The following KDM2B variants were observed in gnomAD, a reference collection of about 807,000 sequenced individuals.
KDM2B encodes the protein lysine demethylase 2B.
A neutral mutation model predicts 150.0 loss-of-function variants in KDM2B; 26 were observed. That is an observed-to-expected ratio of 0.17 (90% CI 0.13 to 0.24). The LOEUF (loss-of-function observed/expected upper bound fraction) is 0.24. Ranked by LOEUF, KDM2B falls within the 10% of genes least tolerant of loss-of-function variation. The pLI, the probability that KDM2B is intolerant of heterozygous loss-of-function variation, is 1.00. For missense variants in KDM2B, 1,265 were observed against 1,816.9 expected (o/e 0.70, Z 5.52); for synonymous variants, 734 against 729.5 (o/e 1.01, Z -0.10).
chr12:121,511,857 T>G (rs1247559335), intron 10 of KDM2B, among the ~76,000 whole-genome samples: 1 of 152,130 alleles, frequency 6.6e-6, no homozygotes, highest in Admixed American at 6.5e-5. Context: ...ACACAGCAGC[T>G]CTGGATGGAG....
chr12:121,425,577 C>T (rs1266724604), downstream of KDM2B, among the ~76,000 whole-genome samples: 6 of 133,044 alleles, frequency 4.5e-5, no homozygotes, highest in African/African-American at 1.5e-4. Flanking sequence ...GTGCTTTGGG[C>T]AGAAAGTTTG....
At chr12:121,535,601 A>G (rs1555308594) in intron 6 of KDM2B, among the ~76,000 whole-genome samples, 1 of 152,232 alleles carries the variant, frequency 6.6e-6, no homozygotes, top group African/African-American at 2.4e-5. Context: ...TAAAGAATTT[A>G]AGAGAAATTA....
At chr12:121,556,689 A>G (rs1555312789) in intron 4 of KDM2B, among the ~76,000 whole-genome samples, 1 of 152,026 alleles carries the variant, frequency 6.6e-6, no homozygotes, top group Non-Finnish European at 1.5e-5. Context: ...TGTCTCTACT[A>G]AAAATACAAA....
At chr12:121,412,187 G>A in the KDM2B span, among the ~76,000 whole-genome samples, 13,199 of 143,162 alleles carry the variant, frequency 0.092, 687 homozygotes, top group South Asian at 0.24. Flanking sequence ...TCAGCCTCCC[G>A]ACTAGCTGGG....
At chr12:121,500,085 G>T (rs1884386315) in intron 11 of KDM2B, among the ~76,000 whole-genome samples, 1 of 152,058 alleles carries the variant, frequency 6.6e-6, no homozygotes, top group Non-Finnish European at 1.5e-5. Flanking sequence ...GGCGCCCTGG[G>T]CTCTGTCCCT....
intron 6 of KDM2B, among the ~76,000 whole-genome samples, chr12:121,543,378 A>G (rs1346313897): frequency 1.3e-5 from 2 of 151,884 alleles, no homozygotes; most frequent in Non-Finnish European, 2.9e-5. Flanking sequence ...AGAAAAGAAA[A>G]ACACTGAGTC....
At chr12:121,410,011 C>T in the KDM2B span, among the ~76,000 whole-genome samples, 6 of 151,794 alleles carry the variant, frequency 4.0e-5, no homozygotes, top group Admixed American at 2.6e-4. Context: ...CAAAATTAGC[C>T]GGGCATGGTG....
intron 4 of KDM2B, among the ~76,000 whole-genome samples, chr12:121,552,887 G>A (rs781931643): frequency 6.6e-6 from 1 of 151,990 alleles, no homozygotes; most frequent in Non-Finnish European, 1.5e-5. Flanking sequence ...GGAATACGTG[G>A]GCGCCACTCA....
intron 8 of KDM2B, among the ~76,000 whole-genome samples, chr12:121,528,496 T>C (rs2141383451): frequency 6.6e-6 from 1 of 151,172 alleles, no homozygotes; most frequent in Middle Eastern, 3.4e-3. Context: ...GAGGTGGAGG[T>C]TGCAGTGAGT....
chr12:121,466,796 G>T (rs1880037447), intron 12 of KDM2B, among the ~76,000 whole-genome samples: 1 of 146,316 alleles, frequency 6.8e-6, no homozygotes, highest in Admixed American at 6.8e-5. Context: ...GGCCGCGGGC[G>T]AGGGCGCCGG....
intron 9 of KDM2B, among the ~76,000 whole-genome samples, chr12:121,514,012 G>A (rs180893786): frequency 1.3e-5 from 2 of 152,204 alleles, no homozygotes; most frequent in African/African-American, 2.4e-5. Flanking sequence ...CCCCACACCC[G>A]TCTGGCACTG....
chr12:121,543,042 C>T (rs1338617730), intron 6 of KDM2B, among the ~76,000 whole-genome samples: 1 of 152,214 alleles, frequency 6.6e-6, no homozygotes, highest in Non-Finnish European at 1.5e-5. Flanking sequence ...TTTTAAGTAT[C>T]TCAACTAAAA....
chr12:121,437,513 A>AAG (rs1874208723), intron 22 of KDM2B, among the ~76,000 whole-genome samples: 1 of 151,976 alleles, frequency 6.6e-6, no homozygotes, highest in Non-Finnish European at 1.5e-5. Context: ...CATGGGAAAA[A>AAG]AAAAGAAATT....
chr12:121,484,465 C>T (rs1882525855), intron 12 of KDM2B, among the ~76,000 whole-genome samples: 2 of 152,158 alleles, frequency 1.3e-5, no homozygotes, highest in Non-Finnish European at 2.9e-5. Context: ...GTCTACGGCA[C>T]AGCGACAGAT....
downstream of KDM2B, among the ~76,000 whole-genome samples, chr12:121,428,812 G>A (rs1347568874): frequency 6.6e-6 from 1 of 152,210 alleles, no homozygotes. Flanking sequence ...TGTACAGGAT[G>A]CAGCCTCCTG....
intron 22 of KDM2B, among the ~76,000 whole-genome samples, chr12:121,434,993 C>T (rs1555286421): frequency 1.4e-5 from 2 of 144,892 alleles, no homozygotes; most frequent in Admixed American, 1.4e-4. Flanking sequence ...TGACATTAGA[C>T]TTTGCAAAGA....
chr12:121,411,241 T>C, the KDM2B span, among the ~76,000 whole-genome samples: 7 of 152,190 alleles, frequency 4.6e-5, no homozygotes, highest in African/African-American at 1.4e-4. Context: ...TTTTAATTTT[T>C]TATTTTATAA....
At chr12:121,500,037 G>A (rs1437953920) in intron 11 of KDM2B, among the ~76,000 whole-genome samples, 4 of 152,106 alleles carry the variant, frequency 2.6e-5, no homozygotes, top group Admixed American at 6.6e-5. Context: ...CATACCTCCC[G>A]TTTCCCTCTG....
intron 12 of KDM2B, among the ~76,000 whole-genome samples, chr12:121,466,142 A>G (rs1879878778): frequency 6.6e-6 from 1 of 152,126 alleles, no homozygotes; most frequent in Non-Finnish European, 1.5e-5. Context: ...GATGAAAAAA[A>G]AAAAAAGTTA....
Sources: allele counts gnomAD v4.1 joint callset (sites outside exome capture counted in the v4.1 genomes callset), GRCh38; gene constraint gnomAD v4.1.1; transcripts MANE v1.5; gene names NCBI Gene and HGNC (gene_info 2026-07-23, HGNC 2026-07-21).